Variants in PIKFYVE observed in about 807,000 individuals in gnomAD.
The protein encoded by PIKFYVE is 1-phosphatidylinositol 3-phosphate 5-kinase.
PIKFYVE carries 122 observed loss-of-function variants against 257.9 expected under a neutral mutation model. The observed-to-expected ratio is 0.47, with a 90% CI of 0.41 to 0.55. The LOEUF (loss-of-function observed/expected upper bound fraction) is 0.55. PIKFYVE is among the 20% of genes least tolerant of loss of function. The pLI is 0.00. For synonymous variants in PIKFYVE, 892 were observed against 868.9 expected, an observed-to-expected ratio of 1.03 and a Z score of -0.47; for missense variants, 2,160 against 2,536.6, an observed-to-expected ratio of 0.85 and a Z score of 3.19.
intron 31 of PIKFYVE, 55 bp downstream of exon 31, chr2:208,340,186 G>A: frequency 1.3e-6 from 2 of 1,587,816 alleles, no homozygotes; most frequent in Non-Finnish European, 1.7e-6. Context: ...TTCCTTAGTT[G>A]CTCGCTTCAT....
In PIKFYVE at chr2:208,330,504, G is replaced by A; in HGVS notation, c.3792-19G>A. 1 of 1,613,776 alleles carries A rather than the reference G, an allele frequency of 6.2e-7. No homozygotes were observed. Among genetic ancestry groups the A allele is most frequent in the South Asian group, 1.1e-5 (1 of 91,078 alleles). ...CTGTTTCATGCTTAATGTGAGAAGG[G>A]CTCTTTTGTTTGTCAAAGGCCTTCT... On this transcript the variant is annotated intron_variant, in intron 22 of 41. Transcript: ENST00000264380.
At chr2:208,322,392 A>AC (rs1309736197) in intron 17 of PIKFYVE, among the ~76,000 whole-genome samples, 7 of 150,572 alleles carry the variant, frequency 4.6e-5, no homozygotes, top group African/African-American at 1.7e-4. Context: ...AAAAAAAAAA[A>AC]AAAAAACTTA....
chr2:208,352,867 CATCTT>C, intron 39 of PIKFYVE, 85 bp downstream of exon 39: 1 of 1,492,660 alleles, frequency 6.7e-7, no homozygotes, highest in Non-Finnish European at 9.2e-7. Context: ...CAGAGAGTAA[CATCTT>C]ATTTTATAGT....
At chr2:208,322,526 A>G (rs924778991) in intron 17 of PIKFYVE, among the ~76,000 whole-genome samples, 5 of 151,672 alleles carry the variant, frequency 3.3e-5, no homozygotes, top group South Asian at 2.1e-4. Context: ...TCTTTCAAGG[A>G]AAGTTAGTTG....
Position 208,304,156 on chromosome 2 carries a change from T to G in PIKFYVE, c.1321-15T>G. 6.2e-7 allele frequency: 1 copy of G among 1,613,990 alleles called. No homozygotes were observed. The highest frequency in any genetic ancestry group is 1.1e-5 in the South Asian group (1 of 91,088). On this transcript the variant is annotated splice_polypyrimidine_tract_variant and intron_variant, in intron 10 of 41. Coordinates refer to ENST00000264380, the MANE Select transcript of PIKFYVE (RefSeq NM_015040.4). Reference sequence around the variant, plus strand: ...TTGAAGGCCAATTGCTTGGATCCTGTCTTCATCCTTTCAGAGTACAGAATT... The same window carrying G: ...TTGAAGGCCAATTGCTTGGATCCTGGCTTCATCCTTTCAGAGTACAGAATT...
Position 208,269,808 on chromosome 2 carries a change from G to A in PIKFYVE, c.-9-1703G>A, listed in dbSNP as rs184436437. 7 of 246,624 alleles carry A rather than the reference G, an allele frequency of 2.8e-5. No individual in the cohort carries two copies. The Admixed American group carries it at 3.2e-4, about 11-fold the overall frequency. The allele number at this position is 246,624 out of a possible 1,614,324, so 15.3% of individuals were successfully genotyped here. On this transcript the variant is annotated intron_variant, in intron 1 of 41. Transcript: ENST00000264380. ...TCACCACTTTGGAGAGATCAACTGG[G>A]GGCTCCTTGGTTTTCTCAGGGGCCT...
chr2:208,304,988 G>A lies in PIKFYVE; in HGVS notation c.1611G>A (p.Val537=). 6.2e-7 allele frequency: 1 copy of A among 1,614,082 alleles called. No individual in the cohort carries two copies. The highest frequency in any genetic ancestry group is 8.5e-7 in the Non-Finnish European group (1 of 1,179,990). ...AGAAGCCCTCCAAGTACCCACATGT[G>A]CCCCCTCACCCTGCTGACCAAAAAG... ...HIKKPSKYPH[V]PPHPADQKEY... is the part of the protein sequence containing the mutation. The change falls in exon 12 of 42, where the codon GTG becomes GTA. Residue 537 remains valine (V), a synonymous_variant. Transcript: ENST00000264380.
intron 28 of PIKFYVE, among the ~76,000 whole-genome samples, chr2:208,338,200 C>T (rs114614402): frequency 0.014 from 2,149 of 152,112 alleles, 17 homozygotes; most frequent in Non-Finnish European, 0.021. Flanking sequence ...GCTACTCTTT[C>T]ACCAATTTTT....
At position 208,347,938 on chromosome 2, in the gene PIKFYVE, G is replaced by C. The variant is rs202147400; in HGVS notation, c.5289G>C (p.Glu1763Asp). 6.2e-7 allele frequency: 1 copy of C among 1,613,852 alleles called. No homozygotes were observed. Among genetic ancestry groups the C allele is most frequent in the Admixed American group, 1.7e-5 (1 of 60,028 alleles). Residue 1763 changes from glutamate to aspartate, a missense_variant, in exon 35 of 42, where the codon GAG becomes GAC. By Grantham distance (45) the Glu-to-Asp change is conservative (BLOSUM62 2). Around this residue, in one of 12 missense-constraint regions of PIKFYVE, gnomAD observed 699 missense variants for 855.8 expected, o/e 0.82. Transcript: ENST00000264380. ...CCGATCTCTCTTCCCAGAAGAGAGA[G>C]ACCTTACGTGGAGCAGATAGTGCTT... ...KSPDLSSQKR[E>D]TLRGADSAYY...
intron 20 of PIKFYVE, among the ~76,000 whole-genome samples, chr2:208,327,442 G>T (rs753767859): frequency 7.2e-5 from 11 of 152,224 alleles, no homozygotes; most frequent in Middle Eastern, 3.4e-3. Flanking sequence ...ACAGTTTAAG[G>T]ATGAGCAGGA....
chr2:208,339,660 T>G, intron 30 of PIKFYVE, 105 bp downstream of exon 30: 1 of 1,420,380 alleles, frequency 7.0e-7, no homozygotes, highest in Non-Finnish European at 9.8e-7. Context: ...AGATATTTGC[T>G]TCATAATAAC....
chr2:208,301,202 T>A (rs1386435147), intron 9 of PIKFYVE, 108 bp downstream of exon 9: 1 of 1,374,148 alleles, frequency 7.3e-7, no homozygotes, highest in East Asian at 2.5e-5. Context: ...GGGTGCTCTT[T>A]GTTTTATGTA....
chr2:208,312,717 G>T (rs1395772039), intron 13 of PIKFYVE, among the ~76,000 whole-genome samples: 2 of 152,180 alleles, frequency 1.3e-5, no homozygotes, highest in Non-Finnish European at 2.9e-5. Flanking sequence ...AGAGAAGCAG[G>T]CAGTAGAGGT....
chr2:208,278,653 G>T (rs1250601569), intron 5 of PIKFYVE, among the ~76,000 whole-genome samples: 6 of 152,110 alleles, frequency 3.9e-5, no homozygotes, highest in African/African-American at 1.2e-4. Flanking sequence ...GTGAGAGCTT[G>T]CGGCATTTGG....
At position 208,325,544 on chromosome 2, in the gene PIKFYVE, C is replaced by A; in HGVS notation, c.2733C>A (p.Ile911=). Residue 911 remains isoleucine (I), a synonymous_variant, in exon 20 of 42, where the codon ATC becomes ATA. Transcript: ENST00000264380. ...AVQEQYGGGS[I]PWDPDIPPES... ...AAGAGCAGTACGGTGGAGGTTCCAT[C>A]CCCTGGGATCCTGACATCCCTCCTG... 1 of 1,614,098 alleles carries A rather than the reference C, an allele frequency of 6.2e-7. No homozygotes were observed. The highest frequency in any genetic ancestry group is 8.5e-7 in the Non-Finnish European group (1 of 1,179,992).
chr2:208,328,751 G>A (rs1697212578), intron 21 of PIKFYVE, among the ~76,000 whole-genome samples: 1 of 152,114 alleles, frequency 6.6e-6, no homozygotes, highest in African/African-American at 2.4e-5. Context: ...AACAAAGTTT[G>A]TATACATTGA....
chr2:208,355,171 T>G lies in PIKFYVE; in HGVS notation c.6182-19T>G. The G allele has an allele frequency of 1.9e-6, 3 of 1,582,998 alleles. No individual in the cohort carries two copies. The highest frequency in any genetic ancestry group is 1.1e-5 in the South Asian group (1 of 90,344). On this transcript the variant is annotated intron_variant, in intron 41 of 41. Coordinates refer to ENST00000264380, the MANE Select transcript of PIKFYVE (RefSeq NM_015040.4). ...ATTATATAACAGCTTTTTCCCCCTT[T>G]TCTCTTTCATAATCTCAGGTAAAAT...
At chr2:208,306,739 A>G (rs2125380959) in intron 12 of PIKFYVE, among the ~76,000 whole-genome samples, 1 of 151,962 alleles carries the variant, frequency 6.6e-6, no homozygotes, top group African/African-American at 2.4e-5. Context: ...GCAGTTGACA[A>G]AAATATGACC....
Position 208,304,989 on chromosome 2 carries a change from C to G in PIKFYVE, c.1612C>G (p.Pro538Ala), listed in dbSNP as rs545532300. Residue 538 changes from proline to alanine, a missense_variant, in exon 12 of 42, where the codon CCC becomes GCC. Coordinates refer to ENST00000264380, the MANE Select transcript of PIKFYVE (RefSeq NM_015040.4). ...IKKPSKYPHV[P>A]PHPADQKEYL... ...GAAGCCCTCCAAGTACCCACATGTGCCCCCTCACCCTGCTGACCAAAAAGG... is the reference window on the plus strand; with the variant it reads ...GAAGCCCTCCAAGTACCCACATGTGGCCCCTCACCCTGCTGACCAAAAAGG... The G allele has an allele frequency of 6.8e-6, 11 of 1,614,106 alleles. No individual in the cohort carries two copies. In the Admixed American group the frequency reaches 1.8e-4, roughly 27 times the overall value.
Sources: allele counts gnomAD v4.1 joint callset (sites outside exome capture counted in the v4.1 genomes callset), GRCh38; gene constraint gnomAD v4.1.1; regional missense constraint gnomAD v4.1.1; transcripts MANE v1.5; gene names NCBI Gene and HGNC (gene_info 2026-07-23, HGNC 2026-07-21).